CDYL: variants seen among roughly 807,000 people sequenced by gnomAD.
CDYL encodes chromodomain Y like.
Under a neutral mutation model 47.3 loss-of-function variants are expected in CDYL, and 8 were observed. That is an observed-to-expected ratio of 0.17 (90% confidence interval 0.10 to 0.31). The LOEUF is 0.31. Ranked by LOEUF, CDYL falls within the 10% of genes least tolerant of loss-of-function variation. The probability of loss-of-function intolerance (pLI) is 1.00; values close to 1 mark genes in which losing one functional copy is unlikely to be tolerated. For synonymous variants in CDYL, 266 were observed against 265.0 expected (o/e 1.00, Z -0.04); for missense variants, 471 against 701.4 (o/e 0.67, Z 3.71).
chr6:4,710,520 T>A (rs1757132418), intron 1 of CDYL, among the ~76,000 whole-genome samples: 1 of 150,168 alleles, frequency 6.7e-6, no homozygotes, highest in African/African-American at 2.5e-5. Flanking sequence ...TTTTGGTCCC[T>A]TTTAATTTCA....
intron 2 of CDYL, among the ~76,000 whole-genome samples, chr6:4,725,369 G>A (rs1041443638): frequency 3.2e-4 from 48 of 152,232 alleles, no homozygotes; most frequent in African/African-American, 8.2e-4. Context: ...ACTGGGCGCC[G>A]TGGAGCAGGG....
At chr6:4,900,779 G>GTGTGTATATATGTATGTATATATATATA in intron 2 of CDYL, among the ~76,000 whole-genome samples, 20 of 51,718 alleles carry the variant, frequency 3.9e-4, no homozygotes, top group Non-Finnish European at 5.8e-4. Context: ...GTATACGTGT[G>GTGTGTATATATGTATGTATATATATATA]TATATATATA....
At position 4,855,548 on chromosome 6, in the gene CDYL, A is replaced by G. The variant is rs183513427; in HGVS notation, c.25-36165A>G. ...ATTCTCAACCTAGAAAGTTGCACAC[A>G]TGCACCCACGATTTTTCACACAGTT... On this transcript the variant is annotated intron_variant, in intron 1 of 6. Transcript: ENST00000397588. Among the ~76,000 whole-genome samples the G allele has an allele frequency of 4.6e-5, 7 of 152,264 alleles. No homozygotes were observed. The East Asian group carries it at 9.6e-4, about 21-fold the overall frequency.
At chr6:4,890,538 T>C (rs558583717) in intron 1 of CDYL, among the ~76,000 whole-genome samples, 1 of 152,350 alleles carries the variant, frequency 6.6e-6, no homozygotes, top group East Asian at 1.9e-4. Flanking sequence ...CAGTTTTCTA[T>C]ATCTCAAGTA....
chr6:4,916,382 C>G (rs2127504100), intron 2 of CDYL, among the ~76,000 whole-genome samples: 1 of 152,256 alleles, frequency 6.6e-6, no homozygotes. Flanking sequence ...CAAGGATAGT[C>G]TTTATATAAA....
At chr6:4,770,386 C>T (rs977079393) in intron 3 of CDYL, among the ~76,000 whole-genome samples, 20 of 152,130 alleles carry the variant, frequency 1.3e-4, no homozygotes, top group African/African-American at 4.3e-4. Flanking sequence ...ACTCCAAAGG[C>T]GCTTTGTGGA....
At chr6:4,729,325 T>C (rs6922682) in intron 2 of CDYL, among the ~76,000 whole-genome samples, 65,250 of 151,624 alleles carry the variant, frequency 0.43, 14,795 homozygotes, top group African/African-American at 0.59. Context: ...TTCCGATCTA[T>C]TTTCTCTGAA....
At chr6:4,938,526 A>G (rs1213130948) in intron 4 of CDYL, among the ~76,000 whole-genome samples, 1 of 152,316 alleles carries the variant, frequency 6.6e-6, no homozygotes, top group East Asian at 1.9e-4. Flanking sequence ...TACATTGTGG[A>G]ATGGTTAAAT....
At position 4,799,058 on chromosome 6, in the gene CDYL, T is replaced by A. The variant is rs1177333724; in HGVS notation, c.24+22251T>A. On this transcript the variant is annotated intron_variant, in intron 1 of 6. Coordinates refer to ENST00000397588, the MANE Select transcript of CDYL (RefSeq NM_004824.4). ...ATTGCTGTATTGTCTTACATGAGCA[T>A]ATAGTGCTGTACATTTACTTGCAGC... Among the ~76,000 whole-genome samples, 4 of 152,334 alleles carry A rather than the reference T, an allele frequency of 2.6e-5. No individual in the cohort carries two copies. The South Asian group carries it at 8.3e-4, about 32-fold the overall frequency.
At chr6:4,796,293 T>C (rs1006682457) in intron 1 of CDYL, among the ~76,000 whole-genome samples, 2 of 152,156 alleles carry the variant, frequency 1.3e-5, no homozygotes, top group Non-Finnish European at 2.9e-5. Context: ...GTATAAAAAA[T>C]GAAAACCAAA....
At chr6:4,743,786 T>C (rs1176944664) in intron 3 of CDYL, among the ~76,000 whole-genome samples, 1 of 152,236 alleles carries the variant, frequency 6.6e-6, no homozygotes, top group African/African-American at 2.4e-5. Context: ...ATAATATGTT[T>C]AAACATAATA....
intron 1 of CDYL, among the ~76,000 whole-genome samples, chr6:4,873,455 T>C (rs1481175903): frequency 6.6e-6 from 1 of 152,174 alleles, no homozygotes; most frequent in Non-Finnish European, 1.5e-5. Flanking sequence ...TACTTCCTTA[T>C]GTATATACTG....
At chr6:4,838,359 A>T (rs757730061) in intron 1 of CDYL, among the ~76,000 whole-genome samples, 2 of 150,684 alleles carry the variant, frequency 1.3e-5, no homozygotes, top group Non-Finnish European at 2.9e-5. Flanking sequence ...ATGCCTTTGC[A>T]TCTTCATAGC....
chr6:4,763,466 G>T (rs1216397533), intron 3 of CDYL, among the ~76,000 whole-genome samples: 2 of 152,240 alleles, frequency 1.3e-5, no homozygotes, highest in Admixed American at 1.3e-4. Flanking sequence ...GTTGGAACAT[G>T]GGTCAGTAGG....
intron 3 of CDYL, among the ~76,000 whole-genome samples, chr6:4,741,997 A>G (rs554489298): frequency 9.2e-5 from 14 of 152,262 alleles, no homozygotes; most frequent in Middle Eastern, 3.4e-3. Flanking sequence ...AATGTTATCT[A>G]CATTTACATG....
chr6:4,709,742 T>G (rs999436546), intron 1 of CDYL, among the ~76,000 whole-genome samples: 1 of 152,352 alleles, frequency 6.6e-6, no homozygotes, highest in South Asian at 2.1e-4. Flanking sequence ...GTGGTTATTT[T>G]GTCACCTATT....
At chr6:4,817,858 A>G (rs1053166434) in intron 1 of CDYL, among the ~76,000 whole-genome samples, 4 of 152,236 alleles carry the variant, frequency 2.6e-5, no homozygotes, top group Non-Finnish European at 5.9e-5. Flanking sequence ...TCTTTTTCAT[A>G]TTAAAAACGT....
Position 4,912,401 on chromosome 6 carries a change from A to G in CDYL, c.691+20022A>G, listed in dbSNP as rs1160461782. Among the ~76,000 whole-genome samples, 5 of 152,356 alleles carry G rather than the reference A, an allele frequency of 3.3e-5. No homozygotes were observed. In the South Asian group the frequency reaches 6.2e-4, roughly 19 times the overall value. On this transcript the variant is annotated intron_variant, in intron 2 of 6. Transcript: ENST00000397588. The stretch of plus-strand genomic sequence containing the variant: ...GGCCTGGAGGGTCACTGTTCCCTGC[A>G]GTGGCTCCTTGGGAGAGGAGTAGCA...
chr6:4,859,240 AACAG>A (rs936695304), intron 1 of CDYL, among the ~76,000 whole-genome samples: 10 of 152,280 alleles, frequency 6.6e-5, no homozygotes, highest in Middle Eastern at 3.4e-3. Flanking sequence ...CTTGGATTAC[AACAG>A]ACAGTGACAT....
Sources: allele counts gnomAD v4.1 joint callset (sites outside exome capture counted in the v4.1 genomes callset), GRCh38; gene constraint gnomAD v4.1.1; transcripts MANE v1.5; gene names NCBI Gene and HGNC (gene_info 2026-07-23, HGNC 2026-07-21).